The following RHBDL2 variants were observed in gnomAD, a reference collection of about 807,000 sequenced individuals.
RHBDL2 encodes the protein rhomboid-related protein 2.
RHBDL2 carries 26 observed loss-of-function variants against 31.7 expected under a neutral mutation model. That is an observed-to-expected ratio of 0.82 (90% CI 0.60 to 1.14). The LOEUF (loss-of-function observed/expected upper bound fraction) is 1.14. Ranked by LOEUF, RHBDL2 falls within the 50% of genes most tolerant of loss-of-function variation. The pLI is 0.00. For synonymous variants in RHBDL2, 123 were observed against 127.2 expected (o/e 0.97, Z 0.22); for missense variants, 336 against 364.4 (o/e 0.92, Z 0.63).
In RHBDL2 at chr1:38,899,085, C is replaced by T. The variant is rs532368897; in HGVS notation, c.509-3016G>A. 7.9e-5 allele frequency among the ~76,000 whole-genome samples: 12 copies of T among 152,272 alleles called. No homozygotes were observed. In the South Asian group the frequency reaches 2.3e-3, roughly 29 times the overall value. On this transcript the variant is annotated intron_variant, in intron 4 of 7. Transcript: ENST00000372990. ...TTCTGTGACTAAGCTTGTTTTCCCT[C>T]CTTTCTGACTTCTAGGGATAATCCT... is the stretch of plus-strand genomic sequence containing the variant.
At chr1:38,888,344 T>TG (rs1377059816) in intron 6 of RHBDL2, among the ~76,000 whole-genome samples, 3 of 143,706 alleles carry the variant, frequency 2.1e-5, no homozygotes, top group East Asian at 4.0e-4. Flanking sequence ...GACAAACTGT[T>TG]GGGGGGTATG....
At position 38,913,139 on chromosome 1, in the gene RHBDL2, C is replaced by T. The variant is rs531415942; in HGVS notation, c.396-1705G>A. On this transcript the variant is annotated intron_variant, in intron 3 of 7. Coordinates refer to ENST00000372990, the MANE Select transcript of RHBDL2 (RefSeq NM_017821.5). ...CTGCGGTTACAGGCACCTGCCACCACGCCCAGCTAATTTTTGTATTTTTAC... is the reference window on the plus strand; with the variant it reads ...CTGCGGTTACAGGCACCTGCCACCATGCCCAGCTAATTTTTGTATTTTTAC... Among the ~76,000 whole-genome samples the T allele has an allele frequency of 4.0e-5, 6 of 151,582 alleles. No homozygotes were observed. The South Asian group carries it at 8.3e-4, about 21-fold the overall frequency.
Position 38,886,436 on chromosome 1 carries a change from G to A in RHBDL2, c.*68C>T. On this transcript the variant is annotated 3_prime_UTR_variant, in exon 8 of 8. Transcript: ENST00000372990. The stretch of plus-strand genomic sequence containing the variant: ...TCTGAGACTTCTCTGTTTCTTCATA[G>A]AGTCTTCCTTTTTTTTTTATTTCCT... The A allele has an allele frequency of 8.2e-7, 1 of 1,217,398 alleles. No homozygotes were observed. Among genetic ancestry groups the A allele is most frequent in the Non-Finnish European group, 1.1e-6 (1 of 893,134 alleles). 75.4% of individuals were successfully genotyped at this position (1,217,398 alleles called of 1,614,324 possible). A position where few individuals can be genotyped will look rare whatever the true frequency, so the allele number is the denominator to read the frequency against.
intron 1 of RHBDL2, among the ~76,000 whole-genome samples, chr1:38,923,791 T>G (rs1023078414): frequency 1.3e-5 from 2 of 152,244 alleles, no homozygotes; most frequent in African/African-American, 2.4e-5. Context: ...GACTCTGCTT[T>G]CTTACTCACT....
intron 1 of RHBDL2, among the ~76,000 whole-genome samples, chr1:38,931,539 GAA>G (rs1296346476): frequency 0.023 from 2,533 of 109,472 alleles, 73 homozygotes; most frequent in African/African-American, 0.063. Context: ...AAAAAGAAAA[GAA>G]AAAAGAAAAA....
chr1:38,932,499 G>A (rs553511755), intron 1 of RHBDL2, among the ~76,000 whole-genome samples: 26 of 152,192 alleles, frequency 1.7e-4, no homozygotes, highest in African/African-American at 4.8e-4. Flanking sequence ...TGACTCTGTC[G>A]CCCAGGCTGG....
chr1:38,936,552 T>A (rs1191778672), intron 1 of RHBDL2, among the ~76,000 whole-genome samples: 1 of 150,142 alleles, frequency 6.7e-6, no homozygotes, highest in Non-Finnish European at 1.5e-5. Flanking sequence ...CCAGTTGGAG[T>A]GCAATGGCGC....
intron 3 of RHBDL2, 115 bp from the exon 4 acceptor site, chr1:38,911,549 T>A (rs1643141423): frequency 1.4e-6 from 1 of 690,684 alleles, no homozygotes; most frequent in Non-Finnish European, 2.5e-6. Context: ...TTAACTAGAA[T>A]TCCATTTTCT....
intron 4 of RHBDL2, among the ~76,000 whole-genome samples, chr1:38,910,621 A>C (rs1643126068): frequency 6.6e-6 from 1 of 152,052 alleles, no homozygotes. Flanking sequence ...GTCTTTCTTA[A>C]ATGCAAATCT....
chr1:38,906,066 C>CA (rs771773572), intron 4 of RHBDL2, among the ~76,000 whole-genome samples: 3,819 of 67,810 alleles, frequency 0.056, 120 homozygotes, highest in African/African-American at 0.13. Context: ...GACTCCAACT[C>CA]AAAAAAAAAA....
intron 2 of RHBDL2, among the ~76,000 whole-genome samples, chr1:38,916,269 A>G (rs1282372938): frequency 6.6e-6 from 1 of 152,220 alleles, no homozygotes; most frequent in South Asian, 2.1e-4. Flanking sequence ...TTCTTCTCCC[A>G]AACTCATAAC....
At position 38,897,540 on chromosome 1, in the gene RHBDL2, C is replaced by T. The variant is rs111392953; in HGVS notation, c.509-1471G>A. On this transcript the variant is annotated intron_variant, in intron 4 of 7. Coordinates refer to ENST00000372990, the MANE Select transcript of RHBDL2 (RefSeq NM_017821.5). ...ACCAACCCGGGCCACAGAGTGATATCCGTCTCCAAAAATATAAGAAAAATA... is the reference window on the plus strand; with the variant it reads ...ACCAACCCGGGCCACAGAGTGATATTCGTCTCCAAAAATATAAGAAAAATA... Among the ~76,000 whole-genome samples, 768 of 146,316 alleles carry T rather than the reference C, an allele frequency of 5.2e-3. 7 individuals are homozygous for T. The highest frequency in any genetic ancestry group is 0.02 in the African/African-American group (724 of 35,966).
intron 4 of RHBDL2, among the ~76,000 whole-genome samples, chr1:38,898,018 C>T (rs1432273333): frequency 1.3e-5 from 2 of 152,140 alleles, no homozygotes; most frequent in Admixed American, 1.3e-4. Flanking sequence ...GTAATCCCAG[C>T]TATTTGGGAG....
intron 6 of RHBDL2, among the ~76,000 whole-genome samples, chr1:38,892,265 A>T (rs1214488658): frequency 2.0e-5 from 3 of 151,492 alleles, no homozygotes; most frequent in East Asian, 3.9e-4. Context: ...TTTTTTTTTT[A>T]ATCTGAAAAT....
chr1:38,898,084 T>C (rs776762686), intron 4 of RHBDL2, among the ~76,000 whole-genome samples: 9 of 152,092 alleles, frequency 5.9e-5, no homozygotes, highest in Non-Finnish European at 1.0e-4. Flanking sequence ...TGAGCTGAGA[T>C]GGCGCCACTG....
At chr1:38,897,479 G>A (rs1227281588) in intron 4 of RHBDL2, among the ~76,000 whole-genome samples, 9 of 152,202 alleles carry the variant, frequency 5.9e-5, no homozygotes, top group African/African-American at 2.2e-4. Flanking sequence ...GTCCCAGGCA[G>A]GAGATTGCTT....
chr1:38,921,118 C>G (rs12061842), intron 1 of RHBDL2, among the ~76,000 whole-genome samples: 38,818 of 152,104 alleles, frequency 0.26, 5,072 homozygotes, highest in Non-Finnish European at 0.27. Context: ...GCACTTAAAA[C>G]AGTATCTGGG....
chr1:38,928,394 G>A (rs1403565506), intron 1 of RHBDL2, among the ~76,000 whole-genome samples: 7 of 151,950 alleles, frequency 4.6e-5, no homozygotes, highest in Admixed American at 2.6e-4. Context: ...CACCCGCCTC[G>A]GGCTCCCAAA....
intron 7 of RHBDL2, 64 bp from the exon 8 acceptor site, chr1:38,886,747 C>T: frequency 7.7e-7 from 1 of 1,298,992 alleles, no homozygotes; most frequent in Admixed American, 2.4e-5. Flanking sequence ...ATTTCAGTTG[C>T]ATCTCTCTTA....
Sources: allele counts gnomAD v4.1 joint callset (sites outside exome capture counted in the v4.1 genomes callset), GRCh38; gene constraint gnomAD v4.1.1; transcripts MANE v1.5; gene names NCBI Gene and HGNC (gene_info 2026-07-23, HGNC 2026-07-21).